CSTPP1: variants seen among roughly 807,000 people sequenced by gnomAD.
CSTPP1 encodes the protein UPF0705 protein C11orf49.
At chr11:47,157,680 A>G in the CSTPP1 span, 5 of 664,454 alleles carry the variant, frequency 7.5e-6, no homozygotes, top group Non-Finnish European at 1.3e-5. Context: ...TGAAGGCCTG[A>G]TCCCCCAGGG....
chr11:47,042,571 T>C, the CSTPP1 span, among the ~76,000 whole-genome samples: 1 of 152,134 alleles, frequency 6.6e-6, no homozygotes, highest in Non-Finnish European at 1.5e-5. Context: ...CTTTGTGCTA[T>C]TATAACTTTT....
the CSTPP1 span, chr11:46,936,770 G>A: frequency 6.2e-7 from 1 of 1,608,538 alleles, no homozygotes; most frequent in Non-Finnish European, 8.5e-7. Flanking sequence ...TCCGGAAGCC[G>A]GAGAGCTGGA....
the CSTPP1 span, among the ~76,000 whole-genome samples, chr11:46,954,336 G>T: frequency 6.6e-6 from 1 of 152,078 alleles, no homozygotes; most frequent in Admixed American, 6.5e-5. Flanking sequence ...ATCACTTGAG[G>T]TCAGGAGTTC....
the CSTPP1 span, among the ~76,000 whole-genome samples, chr11:47,100,281 A>G: frequency 1.3e-5 from 2 of 152,132 alleles, no homozygotes; most frequent in African/African-American, 4.8e-5. Context: ...ACATTTCTCT[A>G]TCAGAAGCTA....
chr11:46,989,806 C>T, the CSTPP1 span, among the ~76,000 whole-genome samples: 4 of 152,106 alleles, frequency 2.6e-5, no homozygotes, highest in Non-Finnish European at 4.4e-5. Flanking sequence ...CTCCCTTCTC[C>T]CCTCTAGCAG....
chr11:47,164,276 G>A, the CSTPP1 span: 9 of 1,601,520 alleles, frequency 5.6e-6, no homozygotes, highest in Non-Finnish European at 7.7e-6. Flanking sequence ...CACTGGGCAG[G>A]GAGGCAGGAT....
chr11:46,977,643 C>T, the CSTPP1 span, among the ~76,000 whole-genome samples: 1 of 152,190 alleles, frequency 6.6e-6, no homozygotes, highest in Non-Finnish European at 1.5e-5. Flanking sequence ...CGGTGGCTTA[C>T]TGAGGACTGC....
the CSTPP1 span, among the ~76,000 whole-genome samples, chr11:46,937,258 C>G: frequency 1.3e-5 from 2 of 152,164 alleles, no homozygotes; most frequent in Non-Finnish European, 2.9e-5. Flanking sequence ...ATGCATCATT[C>G]TTCATTTGAA....
At chr11:47,162,107 G>T in the CSTPP1 span, 3 of 986,728 alleles carry the variant, frequency 3.0e-6, no homozygotes, top group Non-Finnish European at 3.6e-6. Flanking sequence ...GCCTGTTGGA[G>T]AACAGCCAGT....
chr11:47,011,314 A>G, the CSTPP1 span, among the ~76,000 whole-genome samples: 1 of 152,226 alleles, frequency 6.6e-6, no homozygotes, highest in Non-Finnish European at 1.5e-5. Flanking sequence ...TACAGATTGA[A>G]AGATGAATGA....
chr11:47,056,331 TG>T, the CSTPP1 span, among the ~76,000 whole-genome samples: 1 of 152,228 alleles, frequency 6.6e-6, no homozygotes, highest in Non-Finnish European at 1.5e-5. Flanking sequence ...ATAGAACATA[TG>T]GAGATAACTA....
the CSTPP1 span, among the ~76,000 whole-genome samples, chr11:46,995,974 G>A: frequency 7.2e-4 from 110 of 152,092 alleles, 2 homozygotes; most frequent in East Asian, 7.1e-3. Flanking sequence ...TATTGGGTGC[G>A]TATATATTTA....
At chr11:46,971,221 C>T in the CSTPP1 span, among the ~76,000 whole-genome samples, 21 of 152,180 alleles carry the variant, frequency 1.4e-4, no homozygotes, top group East Asian at 4.0e-3. Flanking sequence ...TGTGCTTTTA[C>T]AATTAAAAAT....
the CSTPP1 span, among the ~76,000 whole-genome samples, chr11:46,969,244 G>A: frequency 1.3e-5 from 2 of 152,216 alleles, no homozygotes; most frequent in Admixed American, 1.3e-4. Flanking sequence ...AGGGCCTGAA[G>A]CCCCCGCCCC....
the CSTPP1 span, among the ~76,000 whole-genome samples, chr11:46,996,030 A>G: frequency 2.6e-5 from 4 of 152,114 alleles, no homozygotes; most frequent in African/African-American, 9.7e-5. Flanking sequence ...ACCATTATGT[A>G]ATGGCCTTCT....
At chr11:47,086,431 T>C in the CSTPP1 span, among the ~76,000 whole-genome samples, 2 of 148,944 alleles carry the variant, frequency 1.3e-5, no homozygotes, top group East Asian at 3.9e-4. Flanking sequence ...AAAGAATAAA[T>C]TAAGAAAAGG....
chr11:47,164,070 GCT>G, the CSTPP1 span: 4 of 1,594,064 alleles, frequency 2.5e-6, no homozygotes, highest in South Asian at 4.5e-5. Flanking sequence ...ACTAATGCCA[GCT>G]CTTTCCTCTG....
chr11:46,974,620 C>T, the CSTPP1 span, among the ~76,000 whole-genome samples: 3 of 151,138 alleles, frequency 2.0e-5, no homozygotes, highest in Non-Finnish European at 4.4e-5. Flanking sequence ...GTGGGTGGTT[C>T]ACTTGAGATC....
chr11:47,161,051 G>A, the CSTPP1 span: 9 of 1,584,682 alleles, frequency 5.7e-6, no homozygotes, highest in South Asian at 8.9e-5. Context: ...AGCCGTGAAG[G>A]TGAGGGGCAT....
Sources: gnomAD v4.1 joint callset for allele counts (sites outside exome capture counted in the v4.1 genomes callset) on GRCh38, gnomAD v4.1.1 for gene constraint, MANE v1.5 for transcripts, NCBI Gene and HGNC (gene_info 2026-07-23, HGNC 2026-07-21) for gene names.